The following TRAF3 variants were observed in gnomAD, a reference collection of about 807,000 sequenced individuals.
The protein encoded by TRAF3 is TNF receptor-associated factor 3.
Under a neutral mutation model 62.3 loss-of-function variants are expected in TRAF3, and 13 were observed. The ratio of observed to expected loss-of-function variants is 0.21; its 90% CI spans 0.14 to 0.33. TRAF3 has a LOEUF of 0.33. TRAF3 is among the 10% of genes least tolerant of loss of function. The pLI is 1.00. For synonymous variants in TRAF3, 269 were observed against 283.4 expected, an observed-to-expected ratio of 0.95 and a Z score of 0.51; for missense variants, 440 against 741.8, an observed-to-expected ratio of 0.59 and a Z score of 4.73.
chr14:102,784,388 A>G (rs1282578759), intron 1 of TRAF3, among the ~76,000 whole-genome samples: 1 of 151,726 alleles, frequency 6.6e-6, no homozygotes, highest in African/African-American at 2.4e-5. Context: ...TCGCCTGGCT[A>G]ATTTTTGTAT....
intron 2 of TRAF3, among the ~76,000 whole-genome samples, chr14:102,844,005 A>G (rs886622277): frequency 3.3e-5 from 5 of 152,236 alleles, no homozygotes; most frequent in Admixed American, 6.5e-5. Context: ...AAAATAGACA[A>G]ATTTCTTTCA....
At chr14:102,846,980 T>C (rs1406297057) in intron 2 of TRAF3, among the ~76,000 whole-genome samples, 1 of 152,170 alleles carries the variant, frequency 6.6e-6, no homozygotes, top group Admixed American at 6.5e-5. Flanking sequence ...CATGAAACGG[T>C]ATACATATGT....
chr14:102,817,273 C>G (rs1169396449), intron 1 of TRAF3, among the ~76,000 whole-genome samples: 1 of 152,092 alleles, frequency 6.6e-6, no homozygotes, highest in Non-Finnish European at 1.5e-5. Context: ...CTGGATTTTG[C>G]AACTTGAAGG....
intron 1 of TRAF3, among the ~76,000 whole-genome samples, chr14:102,809,444 T>C (rs1453203533): frequency 6.6e-6 from 1 of 152,016 alleles, no homozygotes; most frequent in Non-Finnish European, 1.5e-5. Context: ...GTGACTTTCT[T>C]AAAGCTCTGT....
chr14:102,836,772 T>C (rs1019747449), intron 2 of TRAF3, among the ~76,000 whole-genome samples: 6 of 152,248 alleles, frequency 3.9e-5, no homozygotes, highest in African/African-American at 1.2e-4. Flanking sequence ...ATGACTCTTA[T>C]CTAGCTATAA....
intron 2 of TRAF3, among the ~76,000 whole-genome samples, chr14:102,864,690 T>C (rs1019309232): frequency 6.6e-6 from 1 of 152,196 alleles, no homozygotes; most frequent in Non-Finnish European, 1.5e-5. Flanking sequence ...TTGTCAGTAT[T>C]TGTTGGGTTG....
chr14:102,865,794 C>T (rs745741662), intron 2 of TRAF3: 6 of 152,204 alleles, frequency 3.9e-5, no homozygotes, highest in Non-Finnish European at 8.8e-5. Context: ...GCCACTGTGA[C>T]TGGCCTAATA....
intron 2 of TRAF3, among the ~76,000 whole-genome samples, chr14:102,834,265 A>G (rs75529395): frequency 0.021 from 3,186 of 152,210 alleles, 127 homozygotes; most frequent in African/African-American, 0.073. Flanking sequence ...GAATGGAACA[A>G]AAGAGAGAGC....
At chr14:102,800,399 G>C (rs1474604742) in intron 1 of TRAF3, among the ~76,000 whole-genome samples, 1 of 152,186 alleles carries the variant, frequency 6.6e-6, no homozygotes, top group Non-Finnish European at 1.5e-5. Context: ...CTTTGGGTGA[G>C]AGAGTCGGGG....
chr14:102,846,402 T>C (rs899014755), intron 2 of TRAF3, among the ~76,000 whole-genome samples: 3 of 152,062 alleles, frequency 2.0e-5, no homozygotes, highest in African/African-American at 4.8e-5. Context: ...CAAGAATATA[T>C]GTAGTATGAT....
chr14:102,905,420 G>A lies in TRAF3; in HGVS notation c.1343G>A (p.Gly448Asp), dbSNP rs1302433412. 6.2e-7 allele frequency: 1 copy of A among 1,614,236 alleles called. No homozygotes were observed. The change falls in exon 12 of 12, where the codon GGT (glycine) becomes GAT (aspartate). Residue 448 changes from glycine to aspartate, a missense_variant. Gly to Asp is a moderately conservative substitution (Grantham distance 94). Around this residue, in one of 6 missense-constraint regions of TRAF3, gnomAD observed 42 missense variants for 86.1 expected, o/e 0.49. Coordinates refer to ENST00000392745, the MANE Select transcript of TRAF3 (RefSeq NM_145725.3). ...LSLYSQPFYT[G>D]YFGYKMCARV... ...CTTTACAGCCAGCCTTTCTACACTGGTTACTTTGGCTATAAGATGTGTGCC... is the reference window on the plus strand; with the variant it reads ...CTTTACAGCCAGCCTTTCTACACTGATTACTTTGGCTATAAGATGTGTGCC...
At chr14:102,825,780 T>G (rs1900273368) in intron 1 of TRAF3, among the ~76,000 whole-genome samples, 1 of 152,046 alleles carries the variant, frequency 6.6e-6, no homozygotes, top group Non-Finnish European at 1.5e-5. Flanking sequence ...CTGTGGGGAG[T>G]GCCCAGAGTG....
Position 102,870,351 on chromosome 14 carries a change from G to A in TRAF3, c.150G>A (p.Lys50=). 2 of 1,614,222 alleles carry A rather than the reference G, an allele frequency of 1.2e-6. No homozygotes were observed. The highest frequency in any genetic ancestry group is 1.7e-6 in the Non-Finnish European group (2 of 1,180,036). The change falls in exon 3 of 12, where the codon AAG becomes AAA. Residue 50 remains lysine, a synonymous_variant. Coordinates refer to ENST00000392745, the MANE Select transcript of TRAF3 (RefSeq NM_145725.3). ...AGTTTGTGAAGACCGTGGAGGACAA[G>A]TACAAGTGTGAGAAGTGCCACCTGG... The part of the protein sequence containing the change: ...KEKFVKTVED[K]YKCEKCHLVL...
chr14:102,853,061 C>G (rs1887141935), intron 2 of TRAF3, among the ~76,000 whole-genome samples: 1 of 152,030 alleles, frequency 6.6e-6, no homozygotes, highest in South Asian at 2.1e-4. Flanking sequence ...ACCACCACGT[C>G]CGGCTAATTT....
At chr14:102,890,818 A>G (rs1001195087) in intron 8 of TRAF3, among the ~76,000 whole-genome samples, 2 of 152,198 alleles carry the variant, frequency 1.3e-5, no homozygotes, top group African/African-American at 4.8e-5. Context: ...ACATCTTTGG[A>G]TACAGTGTAT....
At position 102,907,365 on chromosome 14, in the gene TRAF3, C is replaced by T. The variant is rs1038287886; in HGVS notation, c.*1581C>T. On this transcript the variant is annotated 3_prime_UTR_variant, in exon 12 of 12. Coordinates refer to ENST00000392745, the MANE Select transcript of TRAF3 (RefSeq NM_145725.3). ...GCCCGTCGTCCCAGCCTGTGCCTGC[C>T]CAGATGGCATTTTCTCAACTCACTG... is the stretch of plus-strand genomic sequence containing the variant. 1 of 152,302 alleles carries T rather than the reference C, an allele frequency of 6.6e-6. No individual in the cohort carries two copies. The highest frequency in any genetic ancestry group is 1.5e-5 in the Non-Finnish European group (1 of 68,100). The allele number at this position is 152,302 out of a possible 1,614,324, so 9.4% of individuals were successfully genotyped here.
chr14:102,844,535 A>G (rs1446929145), intron 2 of TRAF3, among the ~76,000 whole-genome samples: 1 of 152,184 alleles, frequency 6.6e-6, no homozygotes, highest in Admixed American at 6.5e-5. Flanking sequence ...GGTGCAAATC[A>G]CAGGCTTTAC....
intron 1 of TRAF3, among the ~76,000 whole-genome samples, chr14:102,815,505 T>C (rs1390481880): frequency 1.3e-5 from 2 of 152,222 alleles, no homozygotes; most frequent in Non-Finnish European, 2.9e-5. Flanking sequence ...TAGTTAGGAC[T>C]ACAGTGCATA....
intron 2 of TRAF3, among the ~76,000 whole-genome samples, chr14:102,833,439 T>C (rs1885772383): frequency 6.6e-6 from 1 of 152,250 alleles, no homozygotes; most frequent in African/African-American, 2.4e-5. Flanking sequence ...ATGTCTCATG[T>C]TGCGAATGGA....
Sources: allele counts gnomAD v4.1 joint callset (sites outside exome capture counted in the v4.1 genomes callset), GRCh38; gene constraint gnomAD v4.1.1; regional missense constraint gnomAD v4.1.1; transcripts MANE v1.5; gene names NCBI Gene and HGNC (gene_info 2026-07-23, HGNC 2026-07-21).